GARNL3: variants seen among roughly 807,000 people sequenced by gnomAD.
GARNL3 encodes GTPase-activating Rap/Ran-GAP domain-like protein 3.
A neutral mutation model predicts 125.0 loss-of-function variants in GARNL3; 63 were observed. The ratio of observed to expected loss-of-function variants is 0.50; its 90% CI spans 0.41 to 0.62. The LOEUF (loss-of-function observed/expected upper bound fraction) is 0.62, where lower values mean the gene tolerates loss of function less well. GARNL3 is among the 20% of genes least tolerant of loss of function. The pLI is 0.00. For synonymous variants in GARNL3, 439 were observed against 457.5 expected (o/e 0.96, Z 0.52); for missense variants, 994 against 1,244.0 (o/e 0.80, Z 3.02).
At position 127,392,641 on chromosome 9, in the gene GARNL3, A is replaced by G. The variant is rs1156616534; in HGVS notation, c.2871-442A>G. On this transcript the variant is annotated intron_variant, in intron 27 of 27. Coordinates refer to ENST00000373387, the MANE Select transcript of GARNL3 (RefSeq NM_032293.5). This position sits in a 1 kb window ranked among gnomAD's most constrained non-coding sequence, Gnocchi z 5.2. ...AACTCTCTGAGAAGTGGAAACCAAT[A>G]TTGGTCAAATTAATATGCAGCTATT... Among the ~76,000 whole-genome samples the G allele has an allele frequency of 6.6e-6, 1 of 152,222 alleles. No individual in the cohort carries two copies. Among genetic ancestry groups the G allele is most frequent in the Admixed American group, 6.5e-5 (1 of 15,288 alleles).
intron 19 of GARNL3, 29 bp downstream of exon 19, chr9:127,354,439 C>A (rs776407850): frequency 1.5e-6 from 2 of 1,338,492 alleles, no homozygotes; most frequent in Admixed American, 2.0e-5. Context: ...AGATTCCATT[C>A]GATTCGTTTT....
intron 2 of GARNL3, among the ~76,000 whole-genome samples, chr9:127,305,419 C>G (rs1564900982): frequency 6.6e-6 from 1 of 152,102 alleles, no homozygotes; most frequent in East Asian, 1.9e-4. Flanking sequence ...GTCTTTACAC[C>G]TCATCAAATG....
At chr9:127,365,097 T>C (rs1373495404) in intron 21 of GARNL3, 1 of 500,816 alleles carries the variant, frequency 2.0e-6, no homozygotes, top group Admixed American at 3.7e-5. Context: ...TCTTTCTTTT[T>C]TTTCTTTTCT....
chr9:127,292,746 T>G (rs1243821082), intron 2 of GARNL3, among the ~76,000 whole-genome samples: 2 of 152,218 alleles, frequency 1.3e-5, no homozygotes, highest in African/African-American at 4.8e-5. Context: ...ACTGCTCACC[T>G]GGCCCTGCCA....
chr9:127,226,697 T>C (rs957186581), intron 1 of GARNL3, among the ~76,000 whole-genome samples: 1 of 152,236 alleles, frequency 6.6e-6, no homozygotes, highest in African/African-American at 2.4e-5. Flanking sequence ...TTTGCTGTAT[T>C]AATAATCTGT....
intron 2 of GARNL3, among the ~76,000 whole-genome samples, chr9:127,251,294 T>C (rs1474034638): frequency 6.6e-6 from 1 of 152,234 alleles, no homozygotes; most frequent in Non-Finnish European, 1.5e-5. Flanking sequence ...TACTTTTGCT[T>C]CCTATATTTC....
At chr9:127,260,576 G>A (rs551039250), upstream of GARNL3, among the ~76,000 whole-genome samples, 2 of 152,286 alleles carry the variant, frequency 1.3e-5, no homozygotes, top group East Asian at 1.9e-4. Flanking sequence ...GGGTCAGTTC[G>A]TAAATAGTTT....
chr9:127,381,557 T>C (rs114490511), intron 22 of GARNL3, among the ~76,000 whole-genome samples: 1 of 152,232 alleles, frequency 6.6e-6, no homozygotes, highest in African/African-American at 2.4e-5. Context: ...AATGAAATTA[T>C]ACAGTATGTA....
chr9:127,228,421 G>C (rs1182581702), intron 1 of GARNL3, among the ~76,000 whole-genome samples: 1 of 152,210 alleles, frequency 6.6e-6, no homozygotes, highest in Non-Finnish European at 1.5e-5. Flanking sequence ...AGTCCCCCAA[G>C]GGCATATGAG....
chr9:127,281,873 T>A (rs1014265541), intron 1 of GARNL3, among the ~76,000 whole-genome samples: 1 of 152,268 alleles, frequency 6.6e-6, no homozygotes, highest in Admixed American at 6.5e-5. Context: ...AATTTGCATG[T>A]GCAGGGTCAA....
chr9:127,233,624 C>A (rs78835451), intron 1 of GARNL3, among the ~76,000 whole-genome samples: 1,583 of 152,230 alleles, frequency 0.01, 16 homozygotes, highest in Non-Finnish European at 0.014. Context: ...ATTGTGGGTG[C>A]AGAGCCCTAC....
chr9:127,353,723 G>C (rs1244119382), intron 17 of GARNL3, 123 bp from the exon 18 acceptor site: 10 of 756,366 alleles, frequency 1.3e-5, no homozygotes, highest in Non-Finnish European at 2.4e-5. Context: ...GAAAGCCCTA[G>C]AAGCTGACTT....
intron 2 of GARNL3, among the ~76,000 whole-genome samples, chr9:127,310,529 C>T (rs2065065110): frequency 6.6e-6 from 1 of 152,214 alleles, no homozygotes; most frequent in Non-Finnish European, 1.5e-5. Flanking sequence ...CACCTGTAAT[C>T]CCAGCACTTT....
chr9:127,357,409 T>C, intron 21 of GARNL3, 32 bp downstream of exon 21: 5 of 1,607,442 alleles, frequency 3.1e-6, no homozygotes, highest in Non-Finnish European at 4.2e-6. Context: ...CAAGTGAGAA[T>C]CAGAAAAGAG....
At position 127,385,011 on chromosome 9, in the gene GARNL3, TC is replaced by T. The variant is rs755514187; in HGVS notation, c.2270-13del. 6.4e-7 allele frequency: 1 copy of T among 1,557,186 alleles called. No homozygotes were observed. Among genetic ancestry groups the T allele is most frequent in the Non-Finnish European group, 8.8e-7 (1 of 1,134,100 alleles). On this transcript the variant is annotated splice_polypyrimidine_tract_variant and intron_variant, in intron 23 of 27. Transcript: ENST00000373387. The surrounding 1 kb of genome is among the most constrained non-coding windows in gnomAD (Gnocchi z 4.1). ...CAAGCCAGCAGCTGGGAGGTGACAC[TC>T]CCGTTCCCTTGCAGTCTGTGCTTTC... is the stretch of plus-strand genomic sequence containing the variant.
At chr9:127,226,727 C>T (rs2062920228) in intron 1 of GARNL3, among the ~76,000 whole-genome samples, 1 of 152,236 alleles carries the variant, frequency 6.6e-6, no homozygotes, top group Admixed American at 6.5e-5. Flanking sequence ...TTCAAGTCCA[C>T]ATAACACTGC....
intron 1 of GARNL3, among the ~76,000 whole-genome samples, chr9:127,283,373 A>G (rs1384486643): frequency 6.6e-6 from 1 of 152,216 alleles, no homozygotes; most frequent in Non-Finnish European, 1.5e-5. Flanking sequence ...TTTTATGTTA[A>G]TTAAAATTAA....
At chr9:127,391,074 C>T (rs1170280643) in intron 27 of GARNL3, among the ~76,000 whole-genome samples, 1 of 152,102 alleles carries the variant, frequency 6.6e-6, no homozygotes, top group Non-Finnish European at 1.5e-5. Flanking sequence ...CACCCAAGGT[C>T]AGGAGTTCGA....
chr9:127,301,342 T>C (rs994079685), intron 2 of GARNL3, among the ~76,000 whole-genome samples: 1 of 152,166 alleles, frequency 6.6e-6, no homozygotes, highest in African/African-American at 2.4e-5. Flanking sequence ...TAATGACTCA[T>C]TATGAACCTA....
Sources: allele counts gnomAD v4.1 joint callset (sites outside exome capture counted in the v4.1 genomes callset), GRCh38; gene constraint gnomAD v4.1.1; non-coding constraint Gnocchi (gnomAD v3.1); transcripts MANE v1.5; gene names NCBI Gene and HGNC (gene_info 2026-07-23, HGNC 2026-07-21).